Variants in MED15 observed in about 807,000 individuals in gnomAD.
MED15 encodes mediator of RNA polymerase II transcription subunit 15.
In MED15, 41 loss-of-function variants were observed where a neutral mutation model predicts 118.7. The observed-to-expected ratio is 0.35, with a 90% CI of 0.27 to 0.45. MED15 has a LOEUF of 0.45. Among genes scored for constraint, MED15 ranks in the 20% least tolerant of loss-of-function variants. The probability of loss-of-function intolerance (pLI) is 1.00; values close to 1 mark genes in which losing one functional copy is unlikely to be tolerated. For synonymous variants in MED15, 436 were observed against 413.9 expected, an observed-to-expected ratio of 1.05 and a Z score of -0.65; for missense variants, 740 against 1,025.5, an observed-to-expected ratio of 0.72 and a Z score of 3.80.
chr22:20,569,746 G>A (rs1281580547), intron 8 of MED15, among the ~76,000 whole-genome samples: 1 of 152,142 alleles, frequency 6.6e-6, no homozygotes, highest in Non-Finnish European at 1.5e-5. Flanking sequence ...CTTAGATGGA[G>A]CCCTGTATGA....
chr22:20,568,653 G>C lies in MED15; in HGVS notation c.1152+22G>C, dbSNP rs551506648. ...CCAGGTGAGGGCCTGGGGGTGGAGG[G>C]CTCCATAGTCATCAGCAGGTGCATG... is the stretch of plus-strand genomic sequence containing the variant. On this transcript the variant is annotated intron_variant, in intron 8 of 17. Transcript: ENST00000263205. 8.4e-5 allele frequency: 135 copies of C among 1,608,884 alleles called. 1 individual carries two copies. The South Asian group carries it at 1.4e-3, about 16-fold the overall frequency.
At chr22:20,517,617 T>C (rs2054299248) in intron 1 of MED15, among the ~76,000 whole-genome samples, 1 of 152,180 alleles carries the variant, frequency 6.6e-6, no homozygotes, top group Non-Finnish European at 1.5e-5. Context: ...CCTCCTAGTC[T>C]GAACTCGTCA....
chr22:20,517,103 A>ATT (rs397867953), intron 1 of MED15, among the ~76,000 whole-genome samples: 29 of 141,504 alleles, frequency 2.0e-4, no homozygotes, highest in East Asian at 8.1e-4. Flanking sequence ...TAATTTTCTT[A>ATT]TTTTTTTTTT....
intron 8 of MED15, among the ~76,000 whole-genome samples, 156 bp downstream of exon 8, chr22:20,568,787 C>G (rs778944234): frequency 6.6e-6 from 1 of 152,190 alleles, no homozygotes; most frequent in Non-Finnish European, 1.5e-5. Flanking sequence ...CAAGACACCC[C>G]TGGAGTCCTT....
chr22:20,578,676 CAG>C (rs66846976), intron 9 of MED15, among the ~76,000 whole-genome samples: 3,796 of 152,330 alleles, frequency 0.025, 165 homozygotes, highest in African/African-American at 0.086. Context: ...TCTGAGCTCT[CAG>C]GGGCCAGAAC....
At chr22:20,572,474 G>T (rs540057393) in intron 8 of MED15, among the ~76,000 whole-genome samples, 1 of 152,358 alleles carries the variant, frequency 6.6e-6, no homozygotes, top group South Asian at 2.1e-4. Flanking sequence ...TGTGGTAAAG[G>T]GTAGCCTGGG....
At chr22:20,572,405 C>G (rs1434874521) in intron 8 of MED15, among the ~76,000 whole-genome samples, 1 of 152,240 alleles carries the variant, frequency 6.6e-6, no homozygotes, top group African/African-American at 2.4e-5. Context: ...GTCTCTCAAG[C>G]CCATCTTAGA....
At chr22:20,538,831 C>T (rs2055179730) in intron 2 of MED15, among the ~76,000 whole-genome samples, 1 of 151,920 alleles carries the variant, frequency 6.6e-6, no homozygotes, top group African/African-American at 2.4e-5. Context: ...TCCCAAGTAG[C>T]CAGGATTACA....
At chr22:20,551,662 TC>T in intron 3 of MED15, 175 bp downstream of exon 3, 1 of 666,040 alleles carries the variant, frequency 1.5e-6, no homozygotes, top group Non-Finnish European at 2.7e-6. Flanking sequence ...GATCCCTCCA[TC>T]CTCCCAGAGC....
At position 20,537,284 on chromosome 22, in the gene MED15, G is replaced by A. The variant is rs2055117949; in HGVS notation, c.156+80G>A. ...TCACAGACTCTGGAACCCCTCTGTT[G>A]GGTGTCCTAGGGTGTAGGGGTGGGG... On this transcript the variant is annotated intron_variant, in intron 2 of 17. Coordinates refer to ENST00000263205, the MANE Select transcript of MED15 (RefSeq NM_001003891.3). 24 of 1,188,504 alleles carry A rather than the reference G, an allele frequency of 2.0e-5. No individual in the cohort carries two copies. The East Asian group carries it at 5.6e-4, about 28-fold the overall frequency. 73.6% of individuals were successfully genotyped at this position (1,188,504 alleles called of 1,614,324 possible).
chr22:20,565,902 C>A (rs941563222), intron 6 of MED15, among the ~76,000 whole-genome samples: 1 of 152,198 alleles, frequency 6.6e-6, no homozygotes, highest in African/African-American at 2.4e-5. Context: ...AGAGCCCAGG[C>A]ACACACTTGG....
Position 20,564,435 on chromosome 22 carries a change from C to A in MED15, c.452-15C>A. ...CTGCCCTGTGGACTGACTGGCGACT[C>A]TGGTCTTTTCTCAGCCCAGCTGCAG... On this transcript the variant is annotated splice_polypyrimidine_tract_variant and intron_variant, in intron 5 of 17. Transcript: ENST00000263205. 2 of 1,613,596 alleles carry A rather than the reference C, an allele frequency of 1.2e-6. No homozygotes were observed. The highest frequency in any genetic ancestry group is 1.7e-6 in the Non-Finnish European group (2 of 1,179,768).
At chr22:20,553,068 A>T in intron 3 of MED15, 77 bp from the exon 4 acceptor site, 3 of 1,413,346 alleles carry the variant, frequency 2.1e-6, no homozygotes, top group Non-Finnish European at 3.0e-6. Flanking sequence ...ATGCCTACAG[A>T]ACTGACCTAC....
chr22:20,579,170 G>C (rs972889179), intron 9 of MED15, among the ~76,000 whole-genome samples: 1 of 152,214 alleles, frequency 6.6e-6, no homozygotes, highest in Non-Finnish European at 1.5e-5. Context: ...TCCCAGACCT[G>C]ACATGAGACC....
chr22:20,519,371 G>A (rs1402178646), intron 1 of MED15, among the ~76,000 whole-genome samples: 1 of 152,092 alleles, frequency 6.6e-6, no homozygotes, highest in East Asian at 1.9e-4. Context: ...GTTATTTAGG[G>A]CAGTGAGTCC....
chr22:20,538,372 T>G (rs2055161062), intron 2 of MED15, among the ~76,000 whole-genome samples: 1 of 151,938 alleles, frequency 6.6e-6, no homozygotes, highest in Non-Finnish European at 1.5e-5. Context: ...TTCTCAGTCT[T>G]CTGAGTAGCT....
chr22:20,559,562 C>G (rs964041255), intron 5 of MED15, among the ~76,000 whole-genome samples: 1 of 152,220 alleles, frequency 6.6e-6, no homozygotes, highest in African/African-American at 2.4e-5. Flanking sequence ...TTAGCCATCT[C>G]ATCTGCTGTG....
chr22:20,531,483 A>T (rs1601494383), intron 1 of MED15, among the ~76,000 whole-genome samples: 1 of 152,032 alleles, frequency 6.6e-6, no homozygotes, highest in Admixed American at 6.5e-5. Context: ...GCTAGGTTGG[A>T]ATTTGAGCCC....
At position 20,584,452 on chromosome 22, in the gene MED15, G is replaced by A. The variant is rs754178447; in HGVS notation, c.1803+27G>A. ...TGAGTGGGATGCCAGACACCCCTAGGGGAACCAGGGCTCTCCTAAGAGCTC... is the reference window on the plus strand; with the variant it reads ...TGAGTGGGATGCCAGACACCCCTAGAGGAACCAGGGCTCTCCTAAGAGCTC... On this transcript the variant is annotated intron_variant, in intron 14 of 17. Transcript: ENST00000263205. 2.5e-6 allele frequency: 4 copies of A among 1,610,950 alleles called. No individual in the cohort carries two copies. The South Asian group carries it at 4.4e-5, about 18-fold the overall frequency.
Sources: gnomAD v4.1 joint callset for allele counts (sites outside exome capture counted in the v4.1 genomes callset) on GRCh38, gnomAD v4.1.1 for gene constraint, MANE v1.5 for transcripts, NCBI Gene and HGNC (gene_info 2026-07-23, HGNC 2026-07-21) for gene names.